Variants in DCLK2 observed in about 807,000 individuals in gnomAD.
The protein encoded by DCLK2 is serine/threonine-protein kinase DCLK2.
Under a neutral mutation model 78.4 loss-of-function variants are expected in DCLK2, and 31 were observed. The ratio of observed to expected loss-of-function variants is 0.40; its 90% confidence interval spans 0.30 to 0.53. The LOEUF is 0.53. DCLK2 is among the 20% of genes least tolerant of loss of function. The pLI is 0.61. For missense variants in DCLK2, 872 were observed against 973.7 expected, an observed-to-expected ratio of 0.90 and a Z score of 1.39; for synonymous variants, 407 against 374.9, an observed-to-expected ratio of 1.09 and a Z score of -0.99.
rs542602853 is a variant in DCLK2, at chr4:150,211,740, C to T, written c.1056+7851C>T. Among the ~76,000 whole-genome samples the T allele has an allele frequency of 2.0e-5, 3 of 152,216 alleles. No homozygotes were observed. The South Asian group carries it at 6.2e-4, about 32-fold the overall frequency. On this transcript the variant is annotated intron_variant, in intron 5 of 15. Transcript: ENST00000296550. ...TTCCTTCTCTTCAAATCCTAGAATC[C>T]CACCCCTGTGGACCTCGTTTGCTTC...
intron 11 of DCLK2, 21 bp from the exon 12 acceptor site, chr4:150,240,378 T>G (rs1742827965): frequency 6.2e-7 from 1 of 1,612,786 alleles, no homozygotes; most frequent in Admixed American, 1.7e-5. Flanking sequence ...TCTCTCCCCC[T>G]CACCCACTTT....
At chr4:150,116,379 G>A (rs1274146395) in intron 2 of DCLK2, among the ~76,000 whole-genome samples, 1 of 152,194 alleles carries the variant, frequency 6.6e-6, no homozygotes, top group African/African-American at 2.4e-5. Flanking sequence ...GCTGAGCCCG[G>A]CACTGCGCCT....
intron 2 of DCLK2, among the ~76,000 whole-genome samples, chr4:150,137,201 C>A (rs1040375760): frequency 6.6e-6 from 1 of 152,008 alleles, no homozygotes; most frequent in East Asian, 1.9e-4. Flanking sequence ...AGCTGAGCTG[C>A]AAGATAGTAG....
chr4:150,178,823 T>G (rs555845975), intron 2 of DCLK2, among the ~76,000 whole-genome samples: 4 of 152,316 alleles, frequency 2.6e-5, no homozygotes, highest in African/African-American at 9.6e-5. Context: ...AGTTTACTCT[T>G]ATTTTACACT....
chr4:150,092,976 A>G (rs1349833459), intron 1 of DCLK2, among the ~76,000 whole-genome samples: 1 of 152,198 alleles, frequency 6.6e-6, no homozygotes, highest in African/African-American at 2.4e-5. Context: ...AAGGTACCTA[A>G]ATCAGAAAGG....
In DCLK2 at chr4:150,195,338, T is replaced by A. The variant is rs375781571; in HGVS notation, c.859+2098T>A. ...TATATTATATTATATATTATATATA[T>A]TATATAATATTATATATTATATATA... On this transcript the variant is annotated intron_variant, in intron 3 of 15. Coordinates refer to ENST00000296550, the MANE Select transcript of DCLK2 (RefSeq NM_001040260.4). Among the ~76,000 whole-genome samples, 6 of 7,618 alleles carry A rather than the reference T, an allele frequency of 7.9e-4. 2 individuals carry two copies. Among genetic ancestry groups the A allele is most frequent in the African/African-American group, 2.0e-3 (5 of 2,452 alleles). The allele number at this position is 7,618 out of a possible 152,430, so 5.0% of individuals were successfully genotyped here.
chr4:150,243,668 T>C (rs373282941), intron 12 of DCLK2, among the ~76,000 whole-genome samples: 1 of 152,168 alleles, frequency 6.6e-6, no homozygotes, highest in East Asian at 1.9e-4. Context: ...TTTCATTCTT[T>C]CTTCCTTCAG....
chr4:150,192,676 ATATT>A (rs1738552017), intron 2 of DCLK2, among the ~76,000 whole-genome samples: 1 of 152,100 alleles, frequency 6.6e-6, no homozygotes, highest in South Asian at 2.1e-4. Context: ...CAGTTTTTAT[ATATT>A]AATCCTCGAA....
intron 2 of DCLK2, among the ~76,000 whole-genome samples, chr4:150,131,473 G>A (rs540660647): frequency 6.6e-6 from 1 of 152,274 alleles, no homozygotes; most frequent in East Asian, 1.9e-4. Flanking sequence ...TTACTTTGCT[G>A]TTAGGCTGAT....
chr4:150,222,323 T>A (rs982002837), intron 7 of DCLK2, among the ~76,000 whole-genome samples: 6 of 152,158 alleles, frequency 3.9e-5, no homozygotes, highest in Admixed American at 2.0e-4. Flanking sequence ...AAAACTGTTT[T>A]ATGTGCATTT....
At chr4:150,140,399 T>G (rs912551251) in intron 2 of DCLK2, among the ~76,000 whole-genome samples, 6 of 152,106 alleles carry the variant, frequency 3.9e-5, no homozygotes, top group Admixed American at 2.0e-4. Flanking sequence ...GACCCCAGGA[T>G]CTCTAGGACC....
chr4:150,191,203 C>T (rs1304700894), intron 2 of DCLK2, among the ~76,000 whole-genome samples: 3 of 152,014 alleles, frequency 2.0e-5, no homozygotes, highest in African/African-American at 7.2e-5. Context: ...GTTGGGTGAA[C>T]AGAAGACATG....
At position 150,088,418 on chromosome 4, in the gene DCLK2, CT is replaced by C. The variant is rs984639465; in HGVS notation, c.421+8979del. Reference sequence around the variant, plus strand: ...AGCTTTTTTTTTTTCGTATATATATCTTTTTTTTTCTGCTTATATATGACAG... The same window carrying C: ...AGCTTTTTTTTTTTCGTATATATATCTTTTTTTTCTGCTTATATATGACAG... On this transcript the variant is annotated intron_variant, in intron 1 of 15. Transcript: ENST00000296550. Among the ~76,000 whole-genome samples, 451 of 149,072 alleles carry C rather than the reference CT, an allele frequency of 3.0e-3. 2 individuals carry two copies. The highest frequency in any genetic ancestry group is 0.011 in the African/African-American group (431 of 40,580).
intron 5 of DCLK2, among the ~76,000 whole-genome samples, chr4:150,212,869 T>C (rs1403686896): frequency 6.6e-6 from 1 of 152,218 alleles, no homozygotes; most frequent in African/African-American, 2.4e-5. Context: ...TTCTTGGTAG[T>C]GCATTATAGG....
chr4:150,084,012 T>C (rs2150130163), intron 1 of DCLK2, among the ~76,000 whole-genome samples: 1 of 152,302 alleles, frequency 6.6e-6, no homozygotes, highest in South Asian at 2.1e-4. Flanking sequence ...GTAAATGAAG[T>C]GGTGATGACA....
In DCLK2 at chr4:150,198,102, A is replaced by G. The variant is rs1483017620; in HGVS notation, c.960A>G (p.Ser320=). Residue 320 remains serine (S), a splice_region_variant and synonymous_variant, in exon 4 of 16, where the codon TCA becomes TCG. Coordinates refer to ENST00000296550, the MANE Select transcript of DCLK2 (RefSeq NM_001040260.4). The part of the protein sequence containing the change: ...GPSRRSKSPA[S]VNGTPSSQLS... ...CTCGACGCAGCAAATCACCAGCTTC[A>G]GGTAGTTAATGGAAAAGGAATAGAT... 1 of 1,612,500 alleles carries G rather than the reference A, an allele frequency of 6.2e-7. No homozygotes were observed.
chr4:150,197,932 A>G (rs1022036510), intron 3 of DCLK2, 70 bp from the exon 4 acceptor site: 133 of 1,265,380 alleles, frequency 1.1e-4, no homozygotes, highest in Non-Finnish European at 1.4e-4. Flanking sequence ...TCAGTAAACA[A>G]TTACATGTAA....
chr4:150,174,222 C>A (rs1560833567), intron 2 of DCLK2, among the ~76,000 whole-genome samples: 1 of 152,308 alleles, frequency 6.6e-6, no homozygotes, highest in Middle Eastern at 3.4e-3. Flanking sequence ...ATGTACGTAG[C>A]ACTTCCCCTA....
chr4:150,080,701 A>G (rs1432117773), intron 1 of DCLK2, among the ~76,000 whole-genome samples: 1 of 152,228 alleles, frequency 6.6e-6, no homozygotes, highest in Non-Finnish European at 1.5e-5. Flanking sequence ...CAGTGCCTGC[A>G]GCATATACTT....
Sources: allele counts gnomAD v4.1 joint callset (sites outside exome capture counted in the v4.1 genomes callset), GRCh38; gene constraint gnomAD v4.1.1; transcripts MANE v1.5; gene names NCBI Gene and HGNC (gene_info 2026-07-23, HGNC 2026-07-21).